ACCSL: variants seen among roughly 807,000 people sequenced by gnomAD.
ACCSL encodes probable inactive 1-aminocyclopropane-1-carboxylate synthase-like protein 2.
A neutral mutation model predicts 61.7 loss-of-function variants in ACCSL; 55 were observed. The observed-to-expected ratio is 0.89, with a 90% CI of 0.72 to 1.12. The LOEUF (loss-of-function observed/expected upper bound fraction) is 1.12, where lower values mean the gene tolerates loss of function less well. ACCSL is among the 50% of genes most tolerant of loss of function. ACCSL has a pLI of 0.00. For synonymous variants in ACCSL, 258 were observed against 264.3 expected (o/e 0.98, Z 0.23); for missense variants, 632 against 698.0 (o/e 0.91, Z 1.07).
chr11:44,008,934 A>C, the ACCSL span, among the ~76,000 whole-genome samples: 1 of 152,228 alleles, frequency 6.6e-6, no homozygotes, highest in Non-Finnish European at 1.5e-5. Context: ...TGGGAGGCCA[A>C]GGTGTGCAGA....
At chr11:43,956,860 T>G in the ACCSL span, among the ~76,000 whole-genome samples, 3 of 152,182 alleles carry the variant, frequency 2.0e-5, no homozygotes, top group South Asian at 2.1e-4. Context: ...GGCTGTTTTT[T>G]TCCCAAAGAG....
chr11:43,925,598 A>C, the ACCSL span: 1 of 392,580 alleles, frequency 2.5e-6, no homozygotes, highest in Admixed American at 2.6e-5. Context: ...GCTCCCTCTT[A>C]CGGTCACAGT....
chr11:44,042,321 A>G, the ACCSL span, among the ~76,000 whole-genome samples: 1 of 152,104 alleles, frequency 6.6e-6, no homozygotes, highest in African/African-American at 2.4e-5. Flanking sequence ...TCTAACTTCC[A>G]TGGGAACTGA....
At chr11:43,926,597 G>A in the ACCSL span, 1 of 364,238 alleles carries the variant, frequency 2.7e-6, no homozygotes, top group South Asian at 2.1e-5. Context: ...ACAGATAGAA[G>A]TAAACCCATG....
chr11:43,958,644 A>T, the ACCSL span, among the ~76,000 whole-genome samples: 1 of 152,172 alleles, frequency 6.6e-6, no homozygotes, highest in Non-Finnish European at 1.5e-5. Context: ...AGTCTATCGG[A>T]GGGCTTACAA....
chr11:43,968,088 G>T, the ACCSL span, among the ~76,000 whole-genome samples: 6 of 152,116 alleles, frequency 3.9e-5, no homozygotes, highest in East Asian at 1.2e-3. Flanking sequence ...CATACTTTGG[G>T]GTGGGGGTTG....
chr11:44,029,259 C>A, the ACCSL span, among the ~76,000 whole-genome samples: 1 of 152,272 alleles, frequency 6.6e-6, no homozygotes, highest in Non-Finnish European at 1.5e-5. Flanking sequence ...CTGACCTCAT[C>A]TCTGAGTACT....
Position 44,053,425 on chromosome 11 carries a change from T to C in ACCSL, c.968T>C (p.Leu323Pro). The C allele has an allele frequency of 6.2e-7, 1 of 1,614,190 alleles. No individual in the cohort carries two copies. The highest frequency in any genetic ancestry group is 8.5e-7 in the Non-Finnish European group (1 of 1,180,034). Residue 323 changes from leucine to proline, a missense_variant, in exon 8 of 14, where the codon CTT (leucine) becomes CCT (proline). Transcript: ENST00000378832. ...TCTTAGGGGAAAAAGGTCCGAGGCC[T>C]TGTGCTAATCAACCCTCAGAATCCT... ...ARLEGKKVRG[L>P]VLINPQNPLG... is the part of the protein sequence containing the mutation.
chr11:44,042,413 G>T, the ACCSL span, among the ~76,000 whole-genome samples: 1 of 152,104 alleles, frequency 6.6e-6, no homozygotes, highest in African/African-American at 2.4e-5. Context: ...CATCCAGATT[G>T]AAGTGTAGCC....
At chr11:44,023,018 C>T in the ACCSL span, among the ~76,000 whole-genome samples, 48 of 143,394 alleles carry the variant, frequency 3.3e-4, 1 homozygote, top group African/African-American at 1.1e-3. Flanking sequence ...TAGGTCCATT[C>T]AGATTTTCTA....
intron 1 of ACCSL, 119 bp from the exon 2 acceptor site, chr11:44,049,943 C>A: frequency 7.1e-7 from 1 of 1,399,336 alleles, no homozygotes; most frequent in Non-Finnish European, 1.0e-6. Context: ...GTAAAGTTGT[C>A]AAATTTGGAT....
At chr11:43,942,500 T>G in the ACCSL span, 1 of 226,048 alleles carries the variant, frequency 4.4e-6, no homozygotes, top group South Asian at 4.0e-5. Flanking sequence ...GGCCGTTACT[T>G]TCCCAGAGCG....
intron 5 of ACCSL, among the ~76,000 whole-genome samples, 194 bp downstream of exon 5, chr11:44,051,913 G>A (rs1267443354): frequency 1.3e-5 from 2 of 152,206 alleles, no homozygotes; most frequent in Non-Finnish European, 2.9e-5. Flanking sequence ...CTCCATTTAA[G>A]GGAAGAGAGA....
the ACCSL span, among the ~76,000 whole-genome samples, chr11:44,030,084 T>TTTTTTTTTTTTTTTTTTTTTTA: frequency 7.6e-6 from 1 of 131,650 alleles, no homozygotes. Flanking sequence ...TTTTTTTTTT[T>TTTTTTTTTTTTTTTTTTTTTTA]AGTATAAAGG....
chr11:43,938,203 C>T, the ACCSL span, among the ~76,000 whole-genome samples: 1 of 152,004 alleles, frequency 6.6e-6, no homozygotes, highest in Admixed American at 6.5e-5. Flanking sequence ...AGGAGGTTCT[C>T]TGGGGGGGTG....
At chr11:43,943,084 C>T in the ACCSL span, 1 of 1,500,950 alleles carries the variant, frequency 6.7e-7, no homozygotes, top group Non-Finnish European at 8.9e-7. This position sits in a 1 kb window ranked among gnomAD's most constrained non-coding sequence, Gnocchi z 4.8. Flanking sequence ...CGGTGACCTT[C>T]GACGAGATCC....
chr11:43,965,044 T>C, the ACCSL span, among the ~76,000 whole-genome samples: 2 of 152,238 alleles, frequency 1.3e-5, no homozygotes, highest in Admixed American at 1.3e-4. Flanking sequence ...CAAGGATGCC[T>C]GCTTTTGCCA....
chr11:44,000,525 CA>C, the ACCSL span, among the ~76,000 whole-genome samples: 40 of 108,754 alleles, frequency 3.7e-4, no homozygotes, highest in East Asian at 1.5e-3. Context: ...GACTCTGTCT[CA>C]AAAAAAAAAA....
chr11:43,961,112 C>T, the ACCSL span, among the ~76,000 whole-genome samples: 17 of 152,174 alleles, frequency 1.1e-4, no homozygotes, highest in South Asian at 1.0e-3. Flanking sequence ...TGAGCCACCG[C>T]GCCTGGCTTC....
Sources: gnomAD v4.1 joint callset for allele counts (sites outside exome capture counted in the v4.1 genomes callset) on GRCh38, gnomAD v4.1.1 for gene constraint, Gnocchi (gnomAD v3.1) non-coding constraint, MANE v1.5 for transcripts, NCBI Gene and HGNC (gene_info 2026-07-23, HGNC 2026-07-21) for gene names.